Variants in DAB2 observed in about 807,000 individuals in gnomAD.
The protein encoded by DAB2 is disabled homolog 2.
In DAB2, 28 loss-of-function variants were observed where a neutral mutation model predicts 71.6. That is an observed-to-expected ratio of 0.39 (90% CI 0.29 to 0.54). The LOEUF (loss-of-function observed/expected upper bound fraction) is 0.54. DAB2 is among the 20% of genes least tolerant of loss of function. The probability of loss-of-function intolerance (pLI) is 0.68; values close to 1 mark genes in which losing one functional copy is unlikely to be tolerated. For synonymous variants in DAB2, 345 were observed against 339.7 expected (o/e 1.02, Z -0.17); for missense variants, 867 against 928.8 (o/e 0.93, Z 0.86).
intron 1 of DAB2, among the ~76,000 whole-genome samples, chr5:39,402,321 T>C (rs1755522246): frequency 6.6e-6 from 1 of 152,130 alleles, no homozygotes; most frequent in Non-Finnish European, 1.5e-5. Flanking sequence ...CTTTCCAACA[T>C]TGCATTTCCA....
At chr5:39,412,551 C>G (rs950210738) in intron 1 of DAB2, among the ~76,000 whole-genome samples, 1 of 152,108 alleles carries the variant, frequency 6.6e-6, no homozygotes, top group African/African-American at 2.4e-5. Context: ...GGAGTATAGA[C>G]TTTCAGAAGA....
At chr5:39,401,853 C>T (rs375091652) in intron 1 of DAB2, among the ~76,000 whole-genome samples, 28 of 151,850 alleles carry the variant, frequency 1.8e-4, no homozygotes, top group African/African-American at 2.4e-4. Context: ...GCCGGGTTCA[C>T]GCCATTCCCC....
chr5:39,374,660 A>C, intron 14 of DAB2: 1 of 219,910 alleles, frequency 4.5e-6, no homozygotes, highest in Non-Finnish European at 8.8e-6. Context: ...CCAAATTATT[A>C]CTAGGTTGTT....
At chr5:39,395,937 CTTTTTTTTTTTTT>C (rs3024228) in intron 1 of DAB2, among the ~76,000 whole-genome samples, 2 of 74,858 alleles carry the variant, frequency 2.7e-5, no homozygotes, top group Non-Finnish European at 4.6e-5. Flanking sequence ...CACAGATATT[CTTTTTTTTTTTTT>C]TTTTTTTTTT....
intron 6 of DAB2, 81 bp from the exon 7 acceptor site, chr5:39,389,204 T>A: frequency 4.7e-6 from 5 of 1,053,908 alleles, no homozygotes; most frequent in Non-Finnish European, 7.3e-6. Context: ...ATGCCTATGG[T>A]TCACAGGCAT....
chr5:39,390,417 A>C, intron 5 of DAB2, 27 bp downstream of exon 5: 1 of 1,608,056 alleles, frequency 6.2e-7, no homozygotes, highest in Non-Finnish European at 8.5e-7. Context: ...ACAAGTCCCC[A>C]GGTCTATGTC....
At chr5:39,397,912 C>A in intron 1 of DAB2, among the ~76,000 whole-genome samples, 1 of 152,060 alleles carries the variant, frequency 6.6e-6, no homozygotes, top group East Asian at 1.9e-4. Flanking sequence ...TCATGGGAGG[C>A]AATTGAAGTG....
At chr5:39,381,189 G>A (rs1754972036) in intron 11 of DAB2, among the ~76,000 whole-genome samples, 1 of 152,120 alleles carries the variant, frequency 6.6e-6, no homozygotes, top group Non-Finnish European at 1.5e-5. Flanking sequence ...TGTCTTTCAG[G>A]AAACCATGAC....
chr5:39,381,332 C>G (rs1350544991), intron 11 of DAB2, 122 bp downstream of exon 11: 2 of 991,884 alleles, frequency 2.0e-6, no homozygotes, highest in African/African-American at 3.2e-5. Flanking sequence ...GAGAAGGGCT[C>G]CCTGGGATGC....
intron 4 of DAB2, among the ~76,000 whole-genome samples, chr5:39,391,252 C>T (rs1459602449): frequency 6.6e-6 from 1 of 152,028 alleles, no homozygotes; most frequent in Non-Finnish European, 1.5e-5. Flanking sequence ...TTTCTTGATC[C>T]TTTCAAGCAG....
chr5:39,389,734 A>G, intron 6 of DAB2, 118 bp downstream of exon 6: 1 of 599,902 alleles, frequency 1.7e-6, no homozygotes, highest in Non-Finnish European at 2.9e-6. Flanking sequence ...CTGGTCTCGA[A>G]CTCCTGACCT....
intron 5 of DAB2, 145 bp downstream of exon 5, chr5:39,390,299 A>C (rs1755197647): frequency 9.6e-7 from 1 of 1,042,672 alleles, no homozygotes; most frequent in Non-Finnish European, 1.4e-6. Flanking sequence ...AAGATTCCAT[A>C]GGCCAATAAA....
chr5:39,377,982 G>T (rs1443298477), intron 11 of DAB2, among the ~76,000 whole-genome samples: 1 of 152,154 alleles, frequency 6.6e-6, no homozygotes, highest in African/African-American at 2.4e-5. Flanking sequence ...TGTTATCCTA[G>T]GAAGACTGTT....
In DAB2 at chr5:39,371,921, T is replaced by C. The variant is rs1754708907; in HGVS notation, c.*1510A>G. 1 of 152,214 alleles carries C rather than the reference T, an allele frequency of 6.6e-6. No individual in the cohort carries two copies. The highest frequency in any genetic ancestry group is 6.5e-5 in the Admixed American group (1 of 15,276). The allele number at this position is 152,214 out of a possible 1,614,324, so 9.4% of individuals were successfully genotyped here. A position where few individuals can be genotyped will look rare whatever the true frequency, so the allele number is the denominator to read the frequency against. Reference sequence around the variant, plus strand: ...AGCTGATAGAAAATTATGCCATATATGATCAACTATTACCATTAAACATAA... The same window carrying C: ...AGCTGATAGAAAATTATGCCATATACGATCAACTATTACCATTAAACATAA... On this transcript the variant is annotated 3_prime_UTR_variant, in exon 15 of 15. Coordinates refer to ENST00000320816, the MANE Select transcript of DAB2 (RefSeq NM_001343.4).
rs956898216 is a variant in DAB2, at chr5:39,376,254, C to A, written c.2138-148G>T. On this transcript the variant is annotated intron_variant, in intron 12 of 14. Transcript: ENST00000320816. ...AATCAACACCAAATACTAGGTACCCCAATAATTATTATCCTTCTCGGAAGA... is the reference window on the plus strand; with the variant it reads ...AATCAACACCAAATACTAGGTACCCAAATAATTATTATCCTTCTCGGAAGA... 1.1e-5 allele frequency: 7 copies of A among 634,946 alleles called. No homozygotes were observed. In the African/African-American group the frequency reaches 1.3e-4, roughly 12 times the overall value. 39.3% of individuals were successfully genotyped at this position (634,946 alleles called of 1,614,324 possible). A position where few individuals can be genotyped will look rare whatever the true frequency, so the allele number is the denominator to read the frequency against.
chr5:39,406,455 G>A (rs753635609), intron 1 of DAB2, among the ~76,000 whole-genome samples: 4 of 152,174 alleles, frequency 2.6e-5, no homozygotes, highest in Non-Finnish European at 5.9e-5. Flanking sequence ...AACCCACCAG[G>A]TTTTGGTGGT....
At position 39,424,941 on chromosome 5, in the gene DAB2, G is replaced by A. The variant is rs1052629342; in HGVS notation, c.-239C>T. On this transcript the variant is annotated 5_prime_UTR_variant, in exon 1 of 15. Transcript: ENST00000320816. Reference sequence around the variant, plus strand: ...TCGGAGCCGCGCGGCCACTCCCGGCGAGAGATATGGTTCTAATCAGATGCT... The same window carrying A: ...TCGGAGCCGCGCGGCCACTCCCGGCAAGAGATATGGTTCTAATCAGATGCT... 3.3e-5 allele frequency: 5 copies of A among 152,490 alleles called. No individual in the cohort carries two copies. The highest frequency in any genetic ancestry group is 7.3e-5 in the Non-Finnish European group (5 of 68,116). The allele number at this position is 152,490 out of a possible 1,614,324, so 9.4% of individuals were successfully genotyped here.
At chr5:39,410,704 T>C (rs564674377) in intron 1 of DAB2, among the ~76,000 whole-genome samples, 2 of 152,152 alleles carry the variant, frequency 1.3e-5, no homozygotes, top group African/African-American at 4.8e-5. Flanking sequence ...CAGCTGTAGA[T>C]AATTTTACAG....
chr5:39,388,412 AG>A lies in DAB2; in HGVS notation c.625-46del, dbSNP rs772156342. On this transcript the variant is annotated intron_variant, in intron 8 of 14. Coordinates refer to ENST00000320816, the MANE Select transcript of DAB2 (RefSeq NM_001343.4). ...TAGATTCAGATGTGTCTACTAAAAA[AG>A]ATTACTTCGTATATTGTAATCATTT... 61 of 1,299,980 alleles carry A rather than the reference AG, an allele frequency of 4.7e-5. No homozygotes were observed. The African/African-American group carries it at 7.9e-4, about 17-fold the overall frequency. The allele number at this position is 1,299,980 out of a possible 1,614,324, so 80.5% of individuals were successfully genotyped here. A position where few individuals can be genotyped will look rare whatever the true frequency, so the allele number is the denominator to read the frequency against.
Sources: gnomAD v4.1 joint callset for allele counts (sites outside exome capture counted in the v4.1 genomes callset) on GRCh38, gnomAD v4.1.1 for gene constraint, MANE v1.5 for transcripts, NCBI Gene and HGNC (gene_info 2026-07-23, HGNC 2026-07-21) for gene names.